The following FBXO33 variants were observed in gnomAD, a reference collection of about 807,000 sequenced individuals.
FBXO33 encodes the protein F-box only protein 33.
FBXO33 carries 22 observed loss-of-function variants against 46.3 expected under a neutral mutation model. That is an observed-to-expected ratio of 0.48 (90% CI 0.34 to 0.68). The LOEUF (loss-of-function observed/expected upper bound fraction) is 0.68. Among genes scored for constraint, FBXO33 ranks in the 30% least tolerant of loss-of-function variants. FBXO33 has a pLI of 0.01. For missense variants in FBXO33, 692 were observed against 708.8 expected (o/e 0.98, Z 0.27); for synonymous variants, 337 against 291.3 (o/e 1.16, Z -1.60).
At chr14:39,411,344 G>A (rs534115253) in intron 1 of FBXO33, among the ~76,000 whole-genome samples, 7 of 152,014 alleles carry the variant, frequency 4.6e-5, no homozygotes, top group East Asian at 3.9e-4. Flanking sequence ...TGTATGCCTC[G>A]GCCTCCCAAA....
intron 1 of FBXO33, among the ~76,000 whole-genome samples, chr14:39,427,321 C>A (rs1377043725): frequency 1.3e-5 from 2 of 152,082 alleles, no homozygotes; most frequent in Admixed American, 6.6e-5. Context: ...TGAGGCTATC[C>A]CTAAGGAGCC....
intron 1 of FBXO33, among the ~76,000 whole-genome samples, chr14:39,402,822 A>G (rs1171295541): frequency 6.6e-6 from 1 of 151,900 alleles, no homozygotes; most frequent in Non-Finnish European, 1.5e-5. Context: ...AGCTGGGACT[A>G]CAGGCGCCCG....
intron 1 of FBXO33, among the ~76,000 whole-genome samples, chr14:39,416,173 C>T (rs1365319374): frequency 6.6e-6 from 1 of 152,128 alleles, no homozygotes; most frequent in South Asian, 2.1e-4. Flanking sequence ...TGATTAAACT[C>T]CTTTAGCTTC....
chr14:39,430,331 A>C (rs1194409921), intron 1 of FBXO33, among the ~76,000 whole-genome samples: 1 of 152,214 alleles, frequency 6.6e-6, no homozygotes, highest in Non-Finnish European at 1.5e-5. Context: ...GCTATAACTT[A>C]TCTCTTGACT....
chr14:39,420,179 C>A (rs1331434164), intron 1 of FBXO33, among the ~76,000 whole-genome samples: 2 of 152,030 alleles, frequency 1.3e-5, no homozygotes, highest in Non-Finnish European at 2.9e-5. Context: ...TGGTTAAGTT[C>A]TAAATATCTG....
At chr14:39,431,337 T>C (rs2075547661) in intron 1 of FBXO33, among the ~76,000 whole-genome samples, 1 of 151,508 alleles carries the variant, frequency 6.6e-6, no homozygotes, top group African/African-American at 2.4e-5. Flanking sequence ...GCGCCAGAAG[T>C]GGTGTCTGTT....
chr14:39,423,761 G>T (rs1482564717), intron 1 of FBXO33, among the ~76,000 whole-genome samples: 1 of 152,156 alleles, frequency 6.6e-6, no homozygotes, highest in Non-Finnish European at 1.5e-5. Context: ...GTAACTGGTA[G>T]GGGTCACAAA....
intron 1 of FBXO33, among the ~76,000 whole-genome samples, chr14:39,418,266 TG>T (rs1448132318): frequency 6.6e-6 from 1 of 150,744 alleles, no homozygotes; most frequent in African/African-American, 2.4e-5. Flanking sequence ...GGTTTCAACG[TG>T]TTAGCCAGGA....
intron 1 of FBXO33, among the ~76,000 whole-genome samples, chr14:39,417,186 T>G (rs928762693): frequency 4.6e-5 from 7 of 152,220 alleles, no homozygotes; most frequent in Admixed American, 2.6e-4. Context: ...GTGCCATCTG[T>G]AGGAGGCCAC....
rs1197360225 is a variant in FBXO33, at chr14:39,419,684, G to T, written c.599+11880C>A. ...TCATTTATTTATTGTTGAATAGCAA[G>T]TGAACTAAAGAAATCAATAGGGTTA... is the stretch of plus-strand genomic sequence containing the variant. On this transcript the variant is annotated intron_variant, in intron 1 of 3. Transcript: ENST00000298097. Among the ~76,000 whole-genome samples the T allele has an allele frequency of 2.6e-5, 4 of 152,202 alleles. No homozygotes were observed. The East Asian group carries it at 7.7e-4, about 29-fold the overall frequency.
Position 39,399,418 on chromosome 14 carries a change from A to T in FBXO33, c.*98T>A. ...TAATTCTATAAAGCTAATACTGATT[A>T]AACACAGCACAAAAGGATTAATTCA... On this transcript the variant is annotated 3_prime_UTR_variant, in exon 4 of 4. Coordinates refer to ENST00000298097, the MANE Select transcript of FBXO33 (RefSeq NM_203301.4). 9.3e-7 allele frequency: 1 copy of T among 1,078,418 alleles called. No homozygotes were observed. The highest frequency in any genetic ancestry group is 1.3e-6 in the Non-Finnish European group (1 of 757,322). The allele number at this position is 1,078,418 out of a possible 1,614,324, so 66.8% of individuals were successfully genotyped here. A position where few individuals can be genotyped will look rare whatever the true frequency, so the allele number is the denominator to read the frequency against.
At chr14:39,423,089 T>G (rs1460829866) in intron 1 of FBXO33, among the ~76,000 whole-genome samples, 1 of 151,956 alleles carries the variant, frequency 6.6e-6, no homozygotes, top group Non-Finnish European at 1.5e-5. Context: ...ACCACTGCAC[T>G]CCAGCCTGGG....
intron 1 of FBXO33, among the ~76,000 whole-genome samples, chr14:39,413,266 C>A (rs751820116): frequency 6.6e-6 from 1 of 152,244 alleles, no homozygotes; most frequent in Non-Finnish European, 1.5e-5. Flanking sequence ...ATCTCAAAAA[C>A]CACTTTGTTC....
intron 1 of FBXO33, among the ~76,000 whole-genome samples, chr14:39,425,095 G>C (rs1029837324): frequency 6.6e-5 from 10 of 151,970 alleles, no homozygotes; most frequent in South Asian, 2.1e-4. Flanking sequence ...GAGATATCTT[G>C]TTTTCTATAC....
intron 1 of FBXO33, 146 bp downstream of exon 1, chr14:39,431,418 C>T: frequency 1.4e-6 from 2 of 1,414,680 alleles, no homozygotes; most frequent in African/African-American, 1.4e-5. Context: ...TCAAGGAAAC[C>T]GCCTAGTTAG....
At chr14:39,420,296 T>C (rs556328942) in intron 1 of FBXO33, among the ~76,000 whole-genome samples, 2 of 152,208 alleles carry the variant, frequency 1.3e-5, no homozygotes, top group Non-Finnish European at 2.9e-5. Flanking sequence ...ATCAATGGTA[T>C]TGTGGTTATA....
At chr14:39,427,474 A>G (rs905771759) in intron 1 of FBXO33, among the ~76,000 whole-genome samples, 1 of 152,196 alleles carries the variant, frequency 6.6e-6, no homozygotes, top group African/African-American at 2.4e-5. Flanking sequence ...AAATAATAAC[A>G]AAGTAAACTC....
rs2075353237 is a variant in FBXO33, at chr14:39,398,453, T to C, written c.*1063A>G. 1 of 151,298 alleles carries C rather than the reference T, an allele frequency of 6.6e-6. No homozygotes were observed. The highest frequency in any genetic ancestry group is 2.1e-4 in the South Asian group (1 of 4,806). 9.4% of individuals were successfully genotyped at this position (151,298 alleles called of 1,614,324 possible). ...CACTATTCACAGTGAAACAGGTGCA[T>C]GTTTTTTTTTTCTTTTTTTTTTTTT... On this transcript the variant is annotated 3_prime_UTR_variant, in exon 4 of 4. Transcript: ENST00000298097.
At chr14:39,430,562 G>A (rs1461127122) in intron 1 of FBXO33, among the ~76,000 whole-genome samples, 1 of 152,068 alleles carries the variant, frequency 6.6e-6, no homozygotes, top group Non-Finnish European at 1.5e-5. Context: ...CTGTAAAACA[G>A]GGTTATTTAT....
Sources: gnomAD v4.1 joint callset for allele counts (sites outside exome capture counted in the v4.1 genomes callset) on GRCh38, gnomAD v4.1.1 for gene constraint, MANE v1.5 for transcripts, NCBI Gene and HGNC (gene_info 2026-07-23, HGNC 2026-07-21) for gene names.